Variants in TBCD observed in about 807,000 individuals in gnomAD.
TBCD encodes tubulin folding cofactor D, also known as tubulin-specific chaperone D.
A neutral mutation model predicts 169.3 loss-of-function variants in TBCD; 105 were observed. The observed-to-expected ratio is 0.62, with a 90% CI of 0.53 to 0.73. TBCD has a LOEUF of 0.73. TBCD is among the 30% of genes least tolerant of loss of function. TBCD has a pLI of 0.00. For synonymous variants in TBCD, 700 were observed against 643.9 expected, an observed-to-expected ratio of 1.09 and a Z score of -1.32; for missense variants, 1,444 against 1,600.1, an observed-to-expected ratio of 0.90 and a Z score of 1.66.
At chr17:82,858,298 G>C (rs957482225) in intron 13 of TBCD, among the ~76,000 whole-genome samples, 1 of 152,138 alleles carries the variant, frequency 6.6e-6, no homozygotes. Context: ...GATCTAGTTA[G>C]GTTTGGTTAT....
intron 26 of TBCD, 129 bp from the exon 27 acceptor site, chr17:82,924,810 G>A: frequency 1.5e-6 from 1 of 685,448 alleles, no homozygotes; most frequent in Non-Finnish European, 2.4e-6. Context: ...AAACGTGTCT[G>A]CTTTGGGAAC....
Position 82,805,777 on chromosome 17 carries a change from G to A in TBCD, c.951-98G>A, listed in dbSNP as rs537272716. 78 of 1,410,072 alleles carry A rather than the reference G, an allele frequency of 5.5e-5. No homozygotes were observed. The African/African-American group carries it at 8.7e-4, about 16-fold the overall frequency. The allele number at this position is 1,410,072 out of a possible 1,614,324, so 87.3% of individuals were successfully genotyped here. ...TGCAAAGTGCATGGAATTTTCACAG[G>A]CACGCTTTAAGATTCAAAGTGACAC... On this transcript the variant is annotated intron_variant, in intron 9 of 38. Coordinates refer to ENST00000355528, the MANE Select transcript of TBCD (RefSeq NM_005993.5).
At chr17:82,875,147 G>C (rs984028057) in intron 14 of TBCD, among the ~76,000 whole-genome samples, 1 of 152,144 alleles carries the variant, frequency 6.6e-6, no homozygotes, top group African/African-American at 2.4e-5. Context: ...AATTTATACT[G>C]TTCCTGTTTT....
chr17:82,846,872 C>T (rs879775876), intron 13 of TBCD, among the ~76,000 whole-genome samples: 31 of 152,138 alleles, frequency 2.0e-4, no homozygotes, highest in Non-Finnish European at 3.5e-4. Context: ...GTCCAGGAGC[C>T]GGGCCTCGGG....
intron 13 of TBCD, chr17:82,859,574 C>T (rs575918427): frequency 1.0e-6 from 1 of 985,440 alleles, no homozygotes; most frequent in South Asian, 4.7e-5. Flanking sequence ...ACGGAAGTTG[C>T]TCTGTGGTTT....
chr17:82,872,843 T>TC (rs1262987556), intron 14 of TBCD, among the ~76,000 whole-genome samples: 1 of 151,774 alleles, frequency 6.6e-6, no homozygotes, highest in Non-Finnish European at 1.5e-5. Flanking sequence ...GCCAGGCCCA[T>TC]CACCTGGTGG....
At chr17:82,810,719 G>A (rs149107772) in intron 12 of TBCD, among the ~76,000 whole-genome samples, 115 of 152,354 alleles carry the variant, frequency 7.5e-4, no homozygotes, top group African/African-American at 2.5e-3. Flanking sequence ...TCGAGAGCAG[G>A]CGTCCAGCTT....
chr17:82,766,221 C>G lies in TBCD; in HGVS notation c.334-46C>G, dbSNP rs907866074. 7 of 1,518,036 alleles carry G rather than the reference C, an allele frequency of 4.6e-6. No individual in the cohort carries two copies. In the African/African-American group the frequency reaches 5.5e-5, roughly 12 times the overall value. 94.0% of individuals were successfully genotyped at this position (1,518,036 alleles called of 1,614,324 possible). ...AGGGTAGAAAGGCAATTTTGCTGCT[C>G]TCTGTATTTTTAAATGTTATAATTC... is the stretch of plus-strand genomic sequence containing the variant. On this transcript the variant is annotated intron_variant, in intron 3 of 38. Coordinates refer to ENST00000355528, the MANE Select transcript of TBCD (RefSeq NM_005993.5).
At chr17:82,937,461 G>T in intron 35 of TBCD, 101 bp downstream of exon 35, 2 of 1,010,152 alleles carry the variant, frequency 2.0e-6, no homozygotes, top group Non-Finnish European at 3.1e-6. Flanking sequence ...GGAGCAGTTA[G>T]TGTTACTCCT....
At chr17:82,766,775 A>G (rs1391916011) in intron 4 of TBCD, among the ~76,000 whole-genome samples, 1 of 152,226 alleles carries the variant, frequency 6.6e-6, no homozygotes, top group Non-Finnish European at 1.5e-5. Context: ...AATACACAGC[A>G]AAATCAGCAA....
At chr17:82,755,680 G>A (rs922570575) in intron 1 of TBCD, among the ~76,000 whole-genome samples, 1 of 152,148 alleles carries the variant, frequency 6.6e-6, no homozygotes, top group Non-Finnish European at 1.5e-5. Flanking sequence ...GTTAAGTTTG[G>A]AATGCCCTTG....
At chr17:82,777,132 T>C (rs1398606879) in intron 6 of TBCD, among the ~76,000 whole-genome samples, 2 of 152,220 alleles carry the variant, frequency 1.3e-5, no homozygotes, top group African/African-American at 4.8e-5. Context: ...ATTTTTACTT[T>C]TAAGCCTGCA....
chr17:82,870,179 C>G (rs368968303), intron 13 of TBCD, 45 bp from the exon 14 acceptor site: 1 of 1,610,138 alleles, frequency 6.2e-7, no homozygotes, highest in Admixed American at 1.7e-5. Flanking sequence ...CACGTGTTGC[C>G]CGTGTGGTCT....
chr17:82,801,648 G>T (rs1227898414), intron 9 of TBCD, among the ~76,000 whole-genome samples: 1 of 95,774 alleles, frequency 1.0e-5, no homozygotes, highest in Non-Finnish European at 2.3e-5. Flanking sequence ...CAGGAGGGCG[G>T]CGTGTGCGTT....
chr17:82,882,936 C>T (rs542623652), intron 14 of TBCD, among the ~76,000 whole-genome samples: 1 of 152,136 alleles, frequency 6.6e-6, no homozygotes. Context: ...GAGCGGGTGA[C>T]GGTGCCTGCG....
intron 13 of TBCD, among the ~76,000 whole-genome samples, chr17:82,824,785 G>A (rs868738672): frequency 6.6e-6 from 1 of 152,082 alleles, no homozygotes; most frequent in Non-Finnish European, 1.5e-5. Flanking sequence ...TAGTTCCTTT[G>A]GGTATATACC....
At chr17:82,866,085 T>C (rs1309814163) in intron 13 of TBCD, among the ~76,000 whole-genome samples, 2 of 152,300 alleles carry the variant, frequency 1.3e-5, no homozygotes, top group African/African-American at 4.8e-5. Flanking sequence ...AAGAGTTGTT[T>C]TTGAAATTTT....
intron 23 of TBCD, among the ~76,000 whole-genome samples, chr17:82,912,088 C>A (rs1396483753): frequency 1.3e-5 from 2 of 152,210 alleles, no homozygotes; most frequent in Non-Finnish European, 2.9e-5. Flanking sequence ...GGCAGTGGGG[C>A]CAGTGCTTGC....
intron 7 of TBCD, among the ~76,000 whole-genome samples, chr17:82,786,968 C>G (rs1351129990): frequency 6.6e-6 from 1 of 151,998 alleles, no homozygotes; most frequent in Non-Finnish European, 1.5e-5. Flanking sequence ...GGCTCGCTGC[C>G]CCATTCCCCT....
Sources: gnomAD v4.1 joint callset for allele counts (sites outside exome capture counted in the v4.1 genomes callset) on GRCh38, gnomAD v4.1.1 for gene constraint, MANE v1.5 for transcripts, NCBI Gene and HGNC (gene_info 2026-07-23, HGNC 2026-07-21) for gene names.